The following CTIF variants were observed in gnomAD, a reference collection of about 807,000 sequenced individuals.
CTIF encodes the protein cap binding complex dependent translation initiation factor.
In CTIF, 21 loss-of-function variants were observed where a neutral mutation model predicts 66.0. The observed-to-expected ratio is 0.32, with a 90% confidence interval of 0.23 to 0.46. The LOEUF is 0.46. Ranked by LOEUF, CTIF falls within the 20% of genes least tolerant of loss-of-function variation. The pLI, the probability that CTIF is intolerant of heterozygous loss-of-function variation, is 1.00. For missense variants in CTIF, 739 were observed against 812.7 expected (o/e 0.91, Z 1.10); for synonymous variants, 345 against 326.4 (o/e 1.06, Z -0.62).
At chr18:48,730,196 G>A (rs1432228105) in intron 7 of CTIF, among the ~76,000 whole-genome samples, 1 of 150,260 alleles carries the variant, frequency 6.7e-6, no homozygotes, top group Non-Finnish European at 1.5e-5. Flanking sequence ...CCCCCGAGGT[G>A]TGAGGGGCTC....
intron 9 of CTIF, among the ~76,000 whole-genome samples, chr18:48,808,917 A>G (rs2068206617): frequency 6.6e-6 from 1 of 152,200 alleles, no homozygotes; most frequent in Non-Finnish European, 1.5e-5. Context: ...TTTTCTCCCA[A>G]AAAAGTTCAC....
chr18:48,747,087 T>A (rs1280613409), intron 7 of CTIF, among the ~76,000 whole-genome samples: 1 of 152,150 alleles, frequency 6.6e-6, no homozygotes, highest in African/African-American at 2.4e-5. Flanking sequence ...CCCCGACACG[T>A]AACAAATACA....
At chr18:48,808,610 T>A (rs763988516) in intron 9 of CTIF, among the ~76,000 whole-genome samples, 11 of 152,108 alleles carry the variant, frequency 7.2e-5, no homozygotes, top group Middle Eastern at 3.4e-3. Context: ...ATTTTCCTCC[T>A]GATACTTAGA....
chr18:48,655,885 A>T (rs1445927666), intron 3 of CTIF, among the ~76,000 whole-genome samples: 1 of 152,234 alleles, frequency 6.6e-6, no homozygotes, highest in Non-Finnish European at 1.5e-5. Flanking sequence ...CATTACACAC[A>T]TGCCCCCACA....
chr18:48,841,952 G>A (rs892944913), intron 10 of CTIF, among the ~76,000 whole-genome samples: 4 of 152,180 alleles, frequency 2.6e-5, no homozygotes, highest in East Asian at 1.9e-4. Flanking sequence ...CACCCAAGAC[G>A]CACAGCCCCT....
intron 7 of CTIF, among the ~76,000 whole-genome samples, chr18:48,753,674 T>C (rs1908058393): frequency 6.6e-6 from 1 of 152,262 alleles, no homozygotes; most frequent in African/African-American, 2.4e-5. Context: ...TCTTATCTCC[T>C]GTGCTGTTCT....
chr18:48,581,863 C>T (rs945580342), intron 1 of CTIF, among the ~76,000 whole-genome samples: 14 of 151,966 alleles, frequency 9.2e-5, no homozygotes, highest in African/African-American at 1.5e-4. Flanking sequence ...GATTAAGTGG[C>T]AAAGGGAATG....
chr18:48,762,913 G>T (rs1042292941), intron 9 of CTIF, among the ~76,000 whole-genome samples: 2 of 152,170 alleles, frequency 1.3e-5, no homozygotes, highest in Non-Finnish European at 2.9e-5. Context: ...CATGTGAGTT[G>T]CACTCACTGC....
intron 3 of CTIF, 24 bp from the exon 4 acceptor site, chr18:48,663,728 C>T (rs771238225): frequency 1.2e-6 from 2 of 1,610,036 alleles, no homozygotes; most frequent in Non-Finnish European, 8.5e-7. Flanking sequence ...TTAATGTCAG[C>T]CCTTTCACCC....
At chr18:48,856,990 C>T (rs1287884179) in intron 10 of CTIF, among the ~76,000 whole-genome samples, 1 of 152,220 alleles carries the variant, frequency 6.6e-6, no homozygotes, top group African/African-American at 2.4e-5. Flanking sequence ...TGTAGCACGG[C>T]AGGACTGAGC....
At chr18:48,827,967 C>T (rs1474255311) in intron 10 of CTIF, among the ~76,000 whole-genome samples, 1 of 152,050 alleles carries the variant, frequency 6.6e-6, no homozygotes, top group East Asian at 1.9e-4. Context: ...GATCCTTGAC[C>T]TCCTCAAGAT....
intron 7 of CTIF, among the ~76,000 whole-genome samples, chr18:48,719,731 T>C (rs556049669): frequency 1.3e-5 from 2 of 152,362 alleles, no homozygotes; most frequent in South Asian, 4.1e-4. Flanking sequence ...TGGTTCTGTT[T>C]ACTGCCATGT....
intron 10 of CTIF, among the ~76,000 whole-genome samples, chr18:48,819,516 C>T (rs2146345299): frequency 6.6e-6 from 1 of 152,282 alleles, no homozygotes; most frequent in East Asian, 1.9e-4. Context: ...GAGCGCCGGC[C>T]CTGGCTGCTG....
At chr18:48,740,165 T>C (rs972370743) in intron 7 of CTIF, among the ~76,000 whole-genome samples, 2 of 152,202 alleles carry the variant, frequency 1.3e-5, no homozygotes, top group Non-Finnish European at 2.9e-5. Context: ...CAGGCTGCCA[T>C]AGAGTCCAGG....
intron 1 of CTIF, among the ~76,000 whole-genome samples, chr18:48,551,891 G>T (rs780698681): frequency 2.0e-5 from 3 of 151,938 alleles, no homozygotes; most frequent in African/African-American, 7.3e-5. Context: ...TCCGCCTCCT[G>T]GGTTCACGCC....
At chr18:48,632,189 A>C (rs2090730737) in intron 2 of CTIF, among the ~76,000 whole-genome samples, 1 of 152,196 alleles carries the variant, frequency 6.6e-6, no homozygotes, top group South Asian at 2.1e-4. Flanking sequence ...GAGGGGATTC[A>C]GGCAGTAGCC....
At chr18:48,564,782 C>T (rs1182393096) in intron 1 of CTIF, 1 of 135,276 alleles carries the variant, frequency 7.4e-6, no homozygotes, top group Non-Finnish European at 1.6e-5. Flanking sequence ...CCATACCCAG[C>T]TAATTTTATT....
chr18:48,682,822 A>G (rs1256230091), intron 6 of CTIF: 1 of 152,202 alleles, frequency 6.6e-6, no homozygotes, highest in African/African-American at 2.4e-5. Context: ...TGGGCGGGCC[A>G]TTGGGGATTA....
rs572506717 is a variant in CTIF at position 48,600,310 on chromosome 18, C to T, written c.-28-19228C>T. ...CAGGAACTTCCTGAAGGTCATGTGGCGGTGGCGATGAGCTCCGAAGCCTGT... is the reference window on the plus strand; with the variant it reads ...CAGGAACTTCCTGAAGGTCATGTGGTGGTGGCGATGAGCTCCGAAGCCTGT... On this transcript the variant is annotated intron_variant, in intron 1 of 11. Transcript: ENST00000256413. Among the ~76,000 whole-genome samples, 9 of 152,170 alleles carry T rather than the reference C, an allele frequency of 5.9e-5. No individual in the cohort carries two copies. The South Asian group carries it at 1.5e-3, about 25-fold the overall frequency.
Sources: gnomAD v4.1 joint callset for allele counts (sites outside exome capture counted in the v4.1 genomes callset) on GRCh38, gnomAD v4.1.1 for gene constraint, MANE v1.5 for transcripts, NCBI Gene and HGNC (gene_info 2026-07-23, HGNC 2026-07-21) for gene names.